The following SNX13 variants were observed in gnomAD, a reference collection of about 807,000 sequenced individuals.
SNX13 encodes sorting nexin-13.
In SNX13, 45 loss-of-function variants were observed where a neutral mutation model predicts 133.6. The observed-to-expected ratio is 0.34, with a 90% CI of 0.27 to 0.43. SNX13 has a LOEUF of 0.43. Among genes scored for constraint, SNX13 ranks in the 20% least tolerant of loss-of-function variants. The pLI, the probability that SNX13 is intolerant of heterozygous loss-of-function variation, is 1.00. For synonymous variants in SNX13, 414 were observed against 373.9 expected, an observed-to-expected ratio of 1.11 and a Z score of -1.24; for missense variants, 1,032 against 1,145.1, an observed-to-expected ratio of 0.90 and a Z score of 1.43.
chr7:17,842,283 T>A (rs1430074345), intron 12 of SNX13, among the ~76,000 whole-genome samples: 1 of 151,954 alleles, frequency 6.6e-6, no homozygotes, highest in Non-Finnish European at 1.5e-5. Flanking sequence ...TCAAGAAACT[T>A]TGGAGGCTAG....
chr7:17,812,229 G>T (rs1418561064), intron 20 of SNX13, among the ~76,000 whole-genome samples: 2 of 151,690 alleles, frequency 1.3e-5, no homozygotes, highest in Non-Finnish European at 2.9e-5. Context: ...CAGATTGGGA[G>T]AAAATTTTTG....
chr7:17,909,561 G>A (rs1798740018), intron 1 of SNX13, among the ~76,000 whole-genome samples: 1 of 152,220 alleles, frequency 6.6e-6, no homozygotes. Context: ...ATCCTTTGTA[G>A]GGACATGGGT....
At chr7:17,893,706 G>A (rs1381663890) in intron 2 of SNX13, among the ~76,000 whole-genome samples, 1 of 152,168 alleles carries the variant, frequency 6.6e-6, no homozygotes, top group Non-Finnish European at 1.5e-5. Context: ...CAGGTGTGGT[G>A]GCTCATGCCT....
At chr7:17,903,035 C>A (rs538772818) in intron 1 of SNX13, among the ~76,000 whole-genome samples, 1 of 152,090 alleles carries the variant, frequency 6.6e-6, no homozygotes, top group African/African-American at 2.4e-5. Flanking sequence ...ACTGGGGGTC[C>A]CTGGTGCCAC....
rs1431392044 is a variant in SNX13 at position 17,792,419 on chromosome 7, A to G, written c.*1626T>C. The G allele has an allele frequency of 3.3e-5, 5 of 152,442 alleles. No homozygotes were observed. Among genetic ancestry groups the G allele is most frequent in the South Asian group, 2.1e-4 (1 of 4,830 alleles). 9.4% of individuals were successfully genotyped at this position (152,442 alleles called of 1,614,324 possible). A position where few individuals can be genotyped will look rare whatever the true frequency, so the allele number is the denominator to read the frequency against. ...AACATATGCTGAATATATGCATACT[A>G]TAAGTATGCACAACAGCATTATTAA... On this transcript the variant is annotated 3_prime_UTR_variant, in exon 26 of 26. Coordinates refer to ENST00000428135, the MANE Select transcript of SNX13 (RefSeq NM_015132.5).
At chr7:17,850,313 T>A in intron 11 of SNX13, 34 bp downstream of exon 11, 2 of 1,429,378 alleles carry the variant, frequency 1.4e-6, no homozygotes, top group Non-Finnish European at 1.9e-6. Flanking sequence ...ATAGTATTTA[T>A]AACTAAACGT....
At chr7:17,926,717 T>C (rs1035258476) in intron 1 of SNX13, among the ~76,000 whole-genome samples, 4 of 152,076 alleles carry the variant, frequency 2.6e-5, no homozygotes, top group African/African-American at 7.2e-5. Context: ...TGAAACCCCA[T>C]TTCTACAAAA....
At chr7:17,872,972 T>C (rs1289442286) in intron 8 of SNX13, among the ~76,000 whole-genome samples, 1 of 152,236 alleles carries the variant, frequency 6.6e-6, no homozygotes, top group Admixed American at 6.5e-5. Context: ...AATTTTCCAA[T>C]TGCTAAAAAA....
intron 12 of SNX13, among the ~76,000 whole-genome samples, chr7:17,840,862 T>A (rs1789788777): frequency 6.6e-6 from 1 of 152,114 alleles, no homozygotes; most frequent in Non-Finnish European, 1.5e-5. Flanking sequence ...TGGCAGAATC[T>A]GATGTAACTA....
chr7:17,870,176 G>T (rs1379719741), intron 8 of SNX13, among the ~76,000 whole-genome samples: 1 of 152,020 alleles, frequency 6.6e-6, no homozygotes, highest in Non-Finnish European at 1.5e-5. Flanking sequence ...CAAACATGGG[G>T]CCTAAAAGAT....
chr7:17,838,184 A>G (rs1254081352), intron 13 of SNX13, among the ~76,000 whole-genome samples: 2 of 151,918 alleles, frequency 1.3e-5, no homozygotes, highest in African/African-American at 4.8e-5. Flanking sequence ...TAAGCAAATT[A>G]TTTTATTTTC....
At chr7:17,827,180 CATG>C (rs1562712517) in intron 16 of SNX13, among the ~76,000 whole-genome samples, 1 of 152,028 alleles carries the variant, frequency 6.6e-6, no homozygotes, top group East Asian at 1.9e-4. Context: ...TATAACCTTT[CATG>C]ATAAGAAATT....
intron 13 of SNX13, among the ~76,000 whole-genome samples, chr7:17,839,097 C>A (rs1429504513): frequency 1.3e-5 from 2 of 149,444 alleles, no homozygotes; most frequent in East Asian, 1.9e-4. Flanking sequence ...TAAAGCAATT[C>A]TATTCTATAT....
chr7:17,867,693 TA>T (rs1322931901), intron 9 of SNX13, among the ~76,000 whole-genome samples: 6 of 151,584 alleles, frequency 4.0e-5, no homozygotes, highest in African/African-American at 1.5e-4. Context: ...AACAATCAAG[TA>T]ATTCTTTCTT....
In SNX13 at chr7:17,868,509, A is replaced by C. The variant is rs763585216; in HGVS notation, c.754-19T>G. 6.5e-6 allele frequency: 10 copies of C among 1,542,546 alleles called. No homozygotes were observed. The highest frequency in any genetic ancestry group is 8.9e-6 in the Non-Finnish European group (10 of 1,129,454). On this transcript the variant is annotated intron_variant, in intron 8 of 25. Coordinates refer to ENST00000428135, the MANE Select transcript of SNX13 (RefSeq NM_015132.5). ...GGATTTCCTGAAAAAAAAGTAAATAACAAAAACAAATTTAATCTATTTCTG... is the reference window on the plus strand; with the variant it reads ...GGATTTCCTGAAAAAAAAGTAAATACCAAAAACAAATTTAATCTATTTCTG...
chr7:17,884,727 A>T (rs187525626), intron 5 of SNX13, among the ~76,000 whole-genome samples: 80 of 152,316 alleles, frequency 5.3e-4, no homozygotes, highest in African/African-American at 1.8e-3. Context: ...CAAATCACAT[A>T]TCTATAGAAA....
chr7:17,875,412 T>C (rs1794611472), intron 7 of SNX13, 68 bp downstream of exon 7: 1 of 1,297,374 alleles, frequency 7.7e-7, no homozygotes, highest in Non-Finnish European at 1.1e-6. Context: ...CCTTAGATTT[T>C]TTCACTGGTT....
At chr7:17,893,530 C>T in intron 2 of SNX13, 96 bp from the exon 3 acceptor site, 4 of 745,288 alleles carry the variant, frequency 5.4e-6, no homozygotes, top group Non-Finnish European at 8.6e-6. Flanking sequence ...TCACAGATGG[C>T]TTATCATTTA....
At chr7:17,918,891 G>A (rs939971330) in intron 1 of SNX13, among the ~76,000 whole-genome samples, 1 of 152,142 alleles carries the variant, frequency 6.6e-6, no homozygotes. Flanking sequence ...AGAAAATGTG[G>A]TACATATACT....
Sources: gnomAD v4.1 joint callset for allele counts (sites outside exome capture counted in the v4.1 genomes callset) on GRCh38, gnomAD v4.1.1 for gene constraint, MANE v1.5 for transcripts, NCBI Gene and HGNC (gene_info 2026-07-23, HGNC 2026-07-21) for gene names.